Variants in SASH1 observed in about 807,000 individuals in gnomAD.
SASH1 encodes SAM and SH3 domain containing 1.
SASH1 carries 44 observed loss-of-function variants against 125.2 expected under a neutral mutation model. That is an observed-to-expected ratio of 0.35 (90% CI 0.28 to 0.45). SASH1 has a LOEUF of 0.45. Among genes scored for constraint, SASH1 ranks in the 20% least tolerant of loss-of-function variants. SASH1 has a pLI of 1.00. For missense variants in SASH1, 1,426 were observed against 1,614.5 expected, an observed-to-expected ratio of 0.88 and a Z score of 2.00; for synonymous variants, 639 against 649.1, an observed-to-expected ratio of 0.98 and a Z score of 0.24.
At chr6:148,223,108 G>T in the SASH1 span, among the ~76,000 whole-genome samples, 1 of 152,268 alleles carries the variant, frequency 6.6e-6, no homozygotes, top group East Asian at 1.9e-4. Context: ...AAAGACCCAA[G>T]AATTGAAAAT....
At chr6:148,256,791 A>G in the SASH1 span, among the ~76,000 whole-genome samples, 1 of 152,202 alleles carries the variant, frequency 6.6e-6, no homozygotes, top group Non-Finnish European at 1.5e-5. Flanking sequence ...CAAATCTTAT[A>G]CTTAAGAGGG....
At chr6:148,246,102 TTTCTC>T in the SASH1 span, among the ~76,000 whole-genome samples, 1 of 152,182 alleles carries the variant, frequency 6.6e-6, no homozygotes, top group African/African-American at 2.4e-5. Context: ...ACTTCATATT[TTTCTC>T]TTCTCTTCTC....
intron 2 of SASH1, among the ~76,000 whole-genome samples, chr6:148,395,988 T>A (rs1007936425): frequency 3.3e-5 from 5 of 151,934 alleles, no homozygotes; most frequent in African/African-American, 1.2e-4. Flanking sequence ...GACAGAGAAG[T>A]CCCTACCCCC....
chr6:148,548,045 G>T (rs372176284), intron 19 of SASH1, among the ~76,000 whole-genome samples: 1 of 152,114 alleles, frequency 6.6e-6, no homozygotes, highest in Non-Finnish European at 1.5e-5. Flanking sequence ...TTGAAGACTC[G>T]GACACATAAA....
At chr6:148,463,224 A>T (rs558081721) in intron 4 of SASH1, among the ~76,000 whole-genome samples, 1 of 151,602 alleles carries the variant, frequency 6.6e-6, no homozygotes, top group African/African-American at 2.4e-5. Flanking sequence ...GGCTCACCGC[A>T]ACCTCCACCT....
At chr6:148,198,203 T>C in the SASH1 span, among the ~76,000 whole-genome samples, 2 of 152,214 alleles carry the variant, frequency 1.3e-5, no homozygotes, top group Non-Finnish European at 2.9e-5. Flanking sequence ...CTTGTTGCCA[T>C]GTGAAGAAGG....
the SASH1 span, among the ~76,000 whole-genome samples, chr6:148,211,658 G>A: frequency 6.6e-6 from 1 of 151,928 alleles, no homozygotes; most frequent in Non-Finnish European, 1.5e-5. Context: ...CATAGCTGAG[G>A]CCCAGAAAAT....
chr6:148,394,173 G>A (rs1282083195), intron 2 of SASH1, among the ~76,000 whole-genome samples: 1 of 151,968 alleles, frequency 6.6e-6, no homozygotes, highest in Non-Finnish European at 1.5e-5. Flanking sequence ...GATTACAGGC[G>A]TGAGTCACTG....
rs567887667 is a variant in SASH1 at position 148,493,774 on chromosome 6, G to A, written c.729+6059G>A. Among the ~76,000 whole-genome samples, 4 of 152,306 alleles carry A rather than the reference G, an allele frequency of 2.6e-5. No individual in the cohort carries two copies. The East Asian group carries it at 7.7e-4, about 29-fold the overall frequency. On this transcript the variant is annotated intron_variant, in intron 8 of 19. Coordinates refer to ENST00000367467, the MANE Select transcript of SASH1 (RefSeq NM_015278.5). ...GAAAAATAGATTTCCCTTTGCCAGA[G>A]AAGAATCTGTTTTGTGCTGTTTTCC...
chr6:148,416,301 TTC>T (rs1002058896), intron 2 of SASH1, among the ~76,000 whole-genome samples: 1 of 148,984 alleles, frequency 6.7e-6, no homozygotes, highest in Non-Finnish European at 1.5e-5. Context: ...ACAAGGTTGT[TTC>T]TTTTTTTCTT....
chr6:148,487,211 T>A (rs1411833832), intron 7 of SASH1, among the ~76,000 whole-genome samples: 1 of 150,818 alleles, frequency 6.6e-6, no homozygotes, highest in Non-Finnish European at 1.5e-5. Context: ...GGCATGCATG[T>A]TTTTGACTTA....
chr6:148,519,699 A>G lies in SASH1; in HGVS notation c.1015A>G (p.Ser339Gly), dbSNP rs1324451036. The change falls in exon 10 of 20, where the codon AGC becomes GGC. Residue 339 changes from serine (S) to glycine (G), a missense_variant. Coordinates refer to ENST00000367467, the MANE Select transcript of SASH1 (RefSeq NM_015278.5). This position sits in a 1 kb window ranked among gnomAD's most constrained non-coding sequence, Gnocchi z 4.8. ...SDSLTTSPSS[S>G]SLDTWGAGRK... ...CTCTCTCACCACGTCTCCATCCTCC[A>G]GCAGCCTGGACACCTGGGGGGCTGG... 2 of 1,614,164 alleles carry G rather than the reference A, an allele frequency of 1.2e-6. No homozygotes were observed. The highest frequency in any genetic ancestry group is 1.7e-6 in the Non-Finnish European group (2 of 1,180,036).
At chr6:148,283,722 C>A (rs1779407516) in intron 1 of SASH1, among the ~76,000 whole-genome samples, 1 of 151,850 alleles carries the variant, frequency 6.6e-6, no homozygotes, top group Non-Finnish European at 1.5e-5. Context: ...TGCAGGGAGC[C>A]AAGATCGCAC....
chr6:148,257,628 CTTT>C, the SASH1 span, among the ~76,000 whole-genome samples: 4 of 127,128 alleles, frequency 3.1e-5, no homozygotes, highest in Non-Finnish European at 3.3e-5. Context: ...TGTCAGTTTA[CTTT>C]TTTTTTTTTT....
At chr6:148,363,833 TG>T (rs2114718324) in intron 1 of SASH1, among the ~76,000 whole-genome samples, 1 of 152,224 alleles carries the variant, frequency 6.6e-6, no homozygotes, top group South Asian at 2.1e-4. Context: ...GCTGGATTGC[TG>T]AGGGTTAGCA....
intron 1 of SASH1, among the ~76,000 whole-genome samples, chr6:148,288,488 A>G (rs1212278031): frequency 1.3e-5 from 2 of 152,242 alleles, no homozygotes; most frequent in African/African-American, 2.4e-5. Flanking sequence ...TGAACTACCT[A>G]TGCATCCGTA....
the SASH1 span, among the ~76,000 whole-genome samples, chr6:148,196,720 C>T: frequency 6.6e-6 from 1 of 152,188 alleles, no homozygotes; most frequent in Non-Finnish European, 1.5e-5. Flanking sequence ...ATAAGACAAA[C>T]ATCCATGAAA....
At chr6:148,300,816 C>G (rs866654012) in intron 1 of SASH1, among the ~76,000 whole-genome samples, 2 of 151,970 alleles carry the variant, frequency 1.3e-5, no homozygotes, top group Non-Finnish European at 2.9e-5. Context: ...TCATTTAGAC[C>G]AAGGAAGCAA....
chr6:148,280,629 G>A (rs987507346), intron 1 of SASH1, among the ~76,000 whole-genome samples: 1 of 152,056 alleles, frequency 6.6e-6, no homozygotes, highest in African/African-American at 2.4e-5. Flanking sequence ...GGGAAATAGA[G>A]AGACCCCGTC....
Sources: allele counts gnomAD v4.1 joint callset (sites outside exome capture counted in the v4.1 genomes callset), GRCh38; gene constraint gnomAD v4.1.1; non-coding constraint Gnocchi (gnomAD v3.1); transcripts MANE v1.5; gene names NCBI Gene and HGNC (gene_info 2026-07-23, HGNC 2026-07-21).